Variants in LRP1 observed in about 807,000 individuals in gnomAD.
LRP1 encodes the protein LDL receptor related protein 1.
Under a neutral mutation model 541.5 loss-of-function variants are expected in LRP1, and 51 were observed. The ratio of observed to expected loss-of-function variants is 0.09; its 90% CI spans 0.08 to 0.12. The LOEUF is 0.12. LRP1 is among the 10% of genes least tolerant of loss of function. The pLI is 1.00. For missense variants in LRP1, 3,878 were observed against 6,376.2 expected (o/e 0.61, Z 13.34); for synonymous variants, 2,219 against 2,470.8 (o/e 0.90, Z 3.02).
At chr12:57,167,381 G>T (rs1302838854) in intron 18 of LRP1, 63 bp from the exon 19 acceptor site, 1 of 1,231,570 alleles carries the variant, frequency 8.1e-7, no homozygotes, top group South Asian at 1.2e-5. Context: ...GCACTCACCT[G>T]CCCAGTACTG....
chr12:57,201,677 C>G lies in LRP1; in HGVS notation c.10468+58C>G. The G allele has an allele frequency of 1.3e-6, 2 of 1,596,482 alleles. No individual in the cohort carries two copies. Among genetic ancestry groups the G allele is most frequent in the Non-Finnish European group, 1.7e-6 (2 of 1,167,904 alleles). On this transcript the variant is annotated intron_variant, in intron 66 of 88. Transcript: ENST00000243077. The surrounding 1 kb of genome is among the most constrained non-coding windows in gnomAD (Gnocchi z 6.4). ...CCCCAGTGTCTGCTGCTCACACCAC[C>G]CCGACGTGTGACCCCCTCAGTGGCT...
chr12:57,210,580 T>G, intron 82 of LRP1, 100 bp downstream of exon 82: 1 of 1,176,488 alleles, frequency 8.5e-7, no homozygotes, highest in Admixed American at 3.2e-5. Context: ...CTGCCTCGCC[T>G]CCAGCCTCCT....
intron 77 of LRP1, chr12:57,208,498 C>T (rs1158436303): frequency 8.5e-6 from 5 of 589,698 alleles, no homozygotes; most frequent in Middle Eastern, 4.5e-4. Context: ...CTGCCAGCGT[C>T]GGTGGCTCTG....
At chr12:57,208,906 G>A in intron 78 of LRP1, 89 bp downstream of exon 78, 1 of 1,226,914 alleles carries the variant, frequency 8.2e-7, no homozygotes, top group South Asian at 1.3e-5. Flanking sequence ...AAAAGCAAGG[G>A]ATGGGATGGG....
At position 57,162,748 on chromosome 12, in the gene LRP1, A is replaced by C. The variant is rs1037870031; in HGVS notation, c.2405-110A>C. On this transcript the variant is annotated intron_variant, in intron 14 of 88. Transcript: ENST00000243077. This position sits in a 1 kb window ranked among gnomAD's most constrained non-coding sequence, Gnocchi z 5.2. The stretch of plus-strand genomic sequence containing the variant: ...CTTCAACATGATCTTCTTCCTCTCC[A>C]TATTTCCTCTTTCTGTCCCCACATC... 17 of 1,268,208 alleles carry C rather than the reference A, an allele frequency of 1.3e-5. No individual in the cohort carries two copies. Among genetic ancestry groups the C allele is most frequent in the Middle Eastern group, 1.9e-4 (1 of 5,304 alleles). 78.6% of individuals were successfully genotyped at this position (1,268,208 alleles called of 1,614,324 possible). A position where few individuals can be genotyped will look rare whatever the true frequency, so the allele number is the denominator to read the frequency against.
intron 46 of LRP1, 129 bp from the exon 47 acceptor site, chr12:57,193,437 G>A (rs2036458280): frequency 6.6e-7 from 1 of 1,506,572 alleles, no homozygotes; most frequent in East Asian, 2.3e-5. Context: ...ATGAAGGGCA[G>A]AACCACTGTT....
intron 19 of LRP1, among the ~76,000 whole-genome samples, chr12:57,168,478 G>A (rs1292867756): frequency 1.3e-5 from 2 of 152,182 alleles, no homozygotes; most frequent in East Asian, 3.8e-4. Context: ...GATGCAAGGG[G>A]AGGAGAGAGT....
Position 57,205,735 on chromosome 12 carries a change from A to G in LRP1, c.11590+58A>G, listed in dbSNP as rs2036763579. 5 of 1,592,678 alleles carry G rather than the reference A, an allele frequency of 3.1e-6. No homozygotes were observed. The highest frequency in any genetic ancestry group is 2.7e-5 in the African/African-American group (2 of 74,788). On this transcript the variant is annotated intron_variant, in intron 75 of 88. Coordinates refer to ENST00000243077, the MANE Select transcript of LRP1 (RefSeq NM_002332.3). This position sits in a 1 kb window ranked among gnomAD's most constrained non-coding sequence, Gnocchi z 4.6. ...GTGGGGCAGGGCGACCAGGATATCA[A>G]ACGGGGCCGACTTGGAATGGAATGT...
rs1462132444 is a variant in LRP1, at chr12:57,177,189, C to T, written c.4140C>T (p.Thr1380=). 1 of 1,614,238 alleles carries T rather than the reference C, an allele frequency of 6.2e-7. No homozygotes were observed. Among genetic ancestry groups the T allele is most frequent in the Admixed American group, 1.7e-5 (1 of 60,034 alleles). Residue 1380 remains threonine, a synonymous_variant, in exon 25 of 89, where the codon ACC becomes ACT. Coordinates refer to ENST00000243077, the MANE Select transcript of LRP1 (RefSeq NM_002332.3). This position sits in a 1 kb window ranked among gnomAD's most constrained non-coding sequence, Gnocchi z 6.8. ...VAKLDGTLRT[T]LLAGDIEHPR... is the part of the protein sequence containing the mutation. ...AGCTGGATGGGACCCTCCGGACCAC[C>T]CTGCTGGCCGGTGACATTGAGCACC...
At position 57,179,801 on chromosome 12, in the gene LRP1, G is replaced by C. The variant is rs1302916903; in HGVS notation, c.4986G>C (p.Gly1662=). The change falls in exon 30 of 89, where the codon GGG becomes GGC. Residue 1662 remains glycine (G), a synonymous_variant. Coordinates refer to ENST00000243077, the MANE Select transcript of LRP1 (RefSeq NM_002332.3). The surrounding 1 kb of genome is among the most constrained non-coding windows in gnomAD (Gnocchi z 6.8). The part of the protein sequence containing the change: ...VVSADLPNAH[G]LAVDWVSRNL... ...CCCCAGACTTGCCAAATGCCCACGGGCTGGCTGTGGACTGGGTCTCCCGAA... is the reference window on the plus strand; with the variant it reads ...CCCCAGACTTGCCAAATGCCCACGGCCTGGCTGTGGACTGGGTCTCCCGAA... 1 of 1,614,000 alleles carries C rather than the reference G, an allele frequency of 6.2e-7. No homozygotes were observed. The highest frequency in any genetic ancestry group is 8.5e-7 in the Non-Finnish European group (1 of 1,179,972).
In LRP1 at chr12:57,134,862, C is replaced by T. The variant is rs189742717; in HGVS notation, c.68-3597C>T. ...CTGGGACTACAGGCGCCTGCCACCA[C>T]GCCCAGCTAATTTTTCATATTTTTA... On this transcript the variant is annotated intron_variant, in intron 1 of 88. Coordinates refer to ENST00000243077, the MANE Select transcript of LRP1 (RefSeq NM_002332.3). 7.2e-4 allele frequency among the ~76,000 whole-genome samples: 110 copies of T among 152,296 alleles called. 1 individual carries two copies. Among genetic ancestry groups the T allele is most frequent in the African/African-American group, 2.5e-3 (103 of 41,566 alleles).
At position 57,156,733 on chromosome 12, in the gene LRP1, CAG is replaced by C. The variant is rs2035627391; in HGVS notation, c.1418-43_1418-42del. The C allele has an allele frequency of 6.4e-7, 1 of 1,560,088 alleles. No individual in the cohort carries two copies. Among genetic ancestry groups the C allele is most frequent in the Non-Finnish European group, 8.7e-7 (1 of 1,144,602 alleles). ...CAGGAAGCCTTCTCAAGGCCTGGCA[CAG>C]GGGCTCTGAGGGGTCCTAACAGCTC... On this transcript the variant is annotated intron_variant, in intron 9 of 88. Coordinates refer to ENST00000243077, the MANE Select transcript of LRP1 (RefSeq NM_002332.3). The surrounding 1 kb of genome is among the most constrained non-coding windows in gnomAD (Gnocchi z 5.2).
rs769246616 is a variant in LRP1 at position 57,194,974 on chromosome 12, G to C, written c.8192-11G>C. 1.2e-6 allele frequency: 2 copies of C among 1,607,522 alleles called. No individual in the cohort carries two copies. The highest frequency in any genetic ancestry group is 2.7e-5 in the African/African-American group (2 of 74,794). ...CCTTCCCCATCTAACTGTGGCTTCT[G>C]ACTGCCCCAGACAAGTTCTGCTCAG... On this transcript the variant is annotated splice_polypyrimidine_tract_variant and intron_variant, in intron 50 of 88. Transcript: ENST00000243077.
At chr12:57,144,506 G>A (rs959608436) in intron 4 of LRP1, 9 of 157,726 alleles carry the variant, frequency 5.7e-5, no homozygotes, top group African/African-American at 2.2e-4. Flanking sequence ...TCTCAGTGAA[G>A]CCGTCCCCCG....
rs1213438146 is a variant in LRP1 at position 57,198,561 on chromosome 12, A to G, written c.9567A>G (p.Thr3189=). ...SRSVIVDTKI[T]WPNGLTLDYV... The stretch of plus-strand genomic sequence containing the variant: ...GCGTCATCGTGGACACCAAGATCAC[A>G]TGGCCCAATGGCCTGACGCTGGACT... The change falls in exon 60 of 89, where the codon ACA becomes ACG. Residue 3189 remains threonine (T), a synonymous_variant. Transcript: ENST00000243077. 5.6e-6 allele frequency: 9 copies of G among 1,613,888 alleles called. No individual in the cohort carries two copies. The South Asian group carries it at 7.7e-5, about 14-fold the overall frequency.
intron 34 of LRP1, 53 bp downstream of exon 34, chr12:57,181,344 C>A: frequency 6.4e-7 from 1 of 1,565,828 alleles, no homozygotes. Context: ...ACCCTGACCC[C>A]TCCTACCCTA....
At chr12:57,196,888 CG>C (rs2136732955) in intron 55 of LRP1, 93 bp from the exon 56 acceptor site, 2 of 1,125,656 alleles carry the variant, frequency 1.8e-6, no homozygotes, top group Non-Finnish European at 2.5e-6. Flanking sequence ...CTAGTGAGGC[CG>C]GGTAGAGGGA....
intron 33 of LRP1, 78 bp downstream of exon 33, chr12:57,180,885 T>C: frequency 6.3e-7 from 1 of 1,580,424 alleles, no homozygotes; most frequent in Non-Finnish European, 8.6e-7. Context: ...TGCAGGGCCA[T>C]GGGGCAAGGG....
Position 57,205,663 on chromosome 12 carries a change from C to G in LRP1, c.11576C>G (p.Thr3859Ser). The G allele has an allele frequency of 1.9e-6, 3 of 1,611,832 alleles. No individual in the cohort carries two copies. Among genetic ancestry groups the G allele is most frequent in the Non-Finnish European group, 2.5e-6 (3 of 1,180,014 alleles). The part of the protein sequence containing the change: ...CARNFMKTHN[T>S]CKAEGSEYQV... ...CGGAACTTCATGAAGACGCACAACA[C>G]CTGCAAGGCCGAAGGTGCCGGAGCC... Residue 3859 changes from threonine (T) to serine (S), a missense_variant, in exon 75 of 89, where the codon ACC (threonine) becomes AGC (serine). Coordinates refer to ENST00000243077, the MANE Select transcript of LRP1 (RefSeq NM_002332.3). The surrounding 1 kb of genome is among the most constrained non-coding windows in gnomAD (Gnocchi z 4.6).
Sources: allele counts gnomAD v4.1 joint callset (sites outside exome capture counted in the v4.1 genomes callset), GRCh38; gene constraint gnomAD v4.1.1; non-coding constraint Gnocchi (gnomAD v3.1); transcripts MANE v1.5; gene names NCBI Gene and HGNC (gene_info 2026-07-23, HGNC 2026-07-21).